Variants in NT5DC1 observed in about 807,000 individuals in gnomAD.
The protein encoded by NT5DC1 is 5'-nucleotidase domain containing 1, also known as 5'-nucleotidase domain-containing protein 1.
Under a neutral mutation model 59.4 loss-of-function variants are expected in NT5DC1, and 42 were observed. The observed-to-expected ratio is 0.71, with a 90% CI of 0.55 to 0.92. NT5DC1 has a LOEUF of 0.92. NT5DC1 is among the 40% of genes least tolerant of loss of function. NT5DC1 has a pLI of 0.00. For synonymous variants in NT5DC1, 172 were observed against 188.1 expected, an observed-to-expected ratio of 0.91 and a Z score of 0.70; for missense variants, 501 against 537.1, an observed-to-expected ratio of 0.93 and a Z score of 0.66.
At chr6:116,180,278 A>G (rs1322337967) in intron 6 of NT5DC1, among the ~76,000 whole-genome samples, 1 of 152,110 alleles carries the variant, frequency 6.6e-6, no homozygotes, top group African/African-American at 2.4e-5. Flanking sequence ...AAATCATAAA[A>G]GGAAAGAATG....
chr6:116,216,362 G>T (rs1781687312), intron 6 of NT5DC1, among the ~76,000 whole-genome samples: 1 of 150,038 alleles, frequency 6.7e-6, no homozygotes, highest in African/African-American at 2.5e-5. Context: ...TCTTAATCCT[G>T]GTAGCACATT....
At chr6:116,161,812 T>C (rs1196784600) in intron 6 of NT5DC1, among the ~76,000 whole-genome samples, 4 of 152,234 alleles carry the variant, frequency 2.6e-5, no homozygotes, top group Non-Finnish European at 4.4e-5. Context: ...TCTAGATTGC[T>C]TTGGGCAGTA....
chr6:116,165,721 C>T (rs932047252), intron 6 of NT5DC1, among the ~76,000 whole-genome samples: 7 of 152,146 alleles, frequency 4.6e-5, no homozygotes, highest in Admixed American at 1.3e-4. Context: ...CTTAGTGGGC[C>T]GCACTTCCCC....
chr6:116,141,300 C>T (rs1779758119), intron 6 of NT5DC1, among the ~76,000 whole-genome samples: 1 of 148,490 alleles, frequency 6.7e-6, no homozygotes, highest in African/African-American at 2.5e-5. Context: ...TTTTAGTATT[C>T]TTACATATTT....
intron 6 of NT5DC1, among the ~76,000 whole-genome samples, chr6:116,132,137 T>TGTGTG (rs1288676539): frequency 1.3e-5 from 2 of 152,146 alleles, no homozygotes; most frequent in East Asian, 3.9e-4. Context: ...AATAACTTTG[T>TGTGTG]GTGTGGGTGT....
chr6:116,205,194 C>T (rs1781426770), intron 6 of NT5DC1, among the ~76,000 whole-genome samples: 1 of 151,946 alleles, frequency 6.6e-6, no homozygotes, highest in African/African-American at 2.4e-5. Flanking sequence ...ACCATGTCTT[C>T]AGGCTGCTAA....
At chr6:116,200,389 G>A (rs1468094898) in intron 6 of NT5DC1, among the ~76,000 whole-genome samples, 1 of 151,968 alleles carries the variant, frequency 6.6e-6, no homozygotes, top group Non-Finnish European at 1.5e-5. Context: ...TCTAAATGAA[G>A]TGAGGACTTT....
chr6:116,212,080 T>C (rs1473126885), intron 6 of NT5DC1, among the ~76,000 whole-genome samples: 1 of 152,150 alleles, frequency 6.6e-6, no homozygotes, highest in East Asian at 1.9e-4. Context: ...AAAGAAATTA[T>C]TTCATTATTC....
intron 11 of NT5DC1, among the ~76,000 whole-genome samples, chr6:116,243,021 C>G (rs1461849826): frequency 1.3e-5 from 2 of 152,206 alleles, no homozygotes; most frequent in African/African-American, 4.8e-5. Context: ...AATTGTGCCT[C>G]AAGTCTTGGT....
intron 6 of NT5DC1, chr6:116,120,066 T>TGGA (rs140722): frequency 1.9e-5 from 31 of 1,609,522 alleles, no homozygotes; most frequent in Non-Finnish European, 2.6e-5. Flanking sequence ...ATTAGCTCTG[T>TGGA]GTGTACTCAC....
In NT5DC1 at chr6:116,238,959, C is replaced by T. The variant is rs774753789; in HGVS notation, c.1088C>T (p.Pro363Leu). Residue 363 changes from proline (P) to leucine (L), a missense_variant, in exon 11 of 12, where the codon CCA becomes CTA. Transcript: ENST00000319550. ...TATTCTGTTCTCTTGTTTCAGGGAC[C>T]AAAAGCAAAACCTTTAAATACTTCA... ...PLEKKGKYEG[P>L]KAKPLNTSSK... The T allele has an allele frequency of 1.3e-6, 2 of 1,589,238 alleles. No homozygotes were observed. The highest frequency in any genetic ancestry group is 1.3e-5 in the African/African-American group (1 of 74,226).
intron 6 of NT5DC1, among the ~76,000 whole-genome samples, chr6:116,140,429 T>G (rs1330555380): frequency 6.6e-6 from 1 of 152,170 alleles, no homozygotes; most frequent in African/African-American, 2.4e-5. Flanking sequence ...TTTTTTTCAA[T>G]ATTTAAAATT....
Position 116,247,966 on chromosome 6 carries a change from C to T in NT5DC1, c.*3942C>T, listed in dbSNP as rs1309799616. The stretch of plus-strand genomic sequence containing the variant: ...AATTTCATTCATGTGCAGCAAACAT[C>T]AAGGTTACATAAGTAAATTCAAATG... On this transcript the variant is annotated 3_prime_UTR_variant, in exon 12 of 12. Coordinates refer to ENST00000319550, the MANE Select transcript of NT5DC1 (RefSeq NM_152729.3). The T allele has an allele frequency of 6.6e-6, 1 of 152,164 alleles. No individual in the cohort carries two copies. Among genetic ancestry groups the T allele is most frequent in the Admixed American group, 6.5e-5 (1 of 15,272 alleles). The allele number at this position is 152,164 out of a possible 1,614,324, so 9.4% of individuals were successfully genotyped here.
intron 6 of NT5DC1, among the ~76,000 whole-genome samples, chr6:116,161,376 T>C (rs1472506255): frequency 6.6e-6 from 1 of 151,908 alleles, no homozygotes; most frequent in Non-Finnish European, 1.5e-5. Context: ...TGCATTGATA[T>C]AACAATGTAG....
At position 116,121,259 on chromosome 6, in the gene NT5DC1, G is replaced by T. The variant is rs773160959; in HGVS notation, c.529+3314G>T. 3 of 1,613,914 alleles carry T rather than the reference G, an allele frequency of 1.9e-6. No homozygotes were observed. The South Asian group carries it at 3.3e-5, about 18-fold the overall frequency. Reference sequence around the variant, plus strand: ...CCCTGGGGGCCCAGCTATTCCTGGAGCCCCAGGGAGACCTTTTGTTCCTGG... The same window carrying T: ...CCCTGGGGGCCCAGCTATTCCTGGATCCCCAGGGAGACCTTTTGTTCCTGG... On this transcript the variant is annotated intron_variant, in intron 6 of 11. Transcript: ENST00000319550.
intron 5 of NT5DC1, among the ~76,000 whole-genome samples, chr6:116,117,005 C>T (rs1778976985): frequency 6.6e-6 from 1 of 152,122 alleles, no homozygotes; most frequent in African/African-American, 2.4e-5. Flanking sequence ...AAACAATTTA[C>T]AGTTCGGATT....
chr6:116,147,679 CTT>C (rs538084312), intron 6 of NT5DC1, among the ~76,000 whole-genome samples: 1 of 152,176 alleles, frequency 6.6e-6, no homozygotes, highest in East Asian at 1.9e-4. Flanking sequence ...TGTTACAAGA[CTT>C]TATATAAACT....
intron 8 of NT5DC1, among the ~76,000 whole-genome samples, chr6:116,229,469 G>A (rs1456070984): frequency 1.3e-5 from 2 of 152,154 alleles, no homozygotes; most frequent in African/African-American, 4.8e-5. Flanking sequence ...TGGTAACAGG[G>A]GCAAAGATGC....
intron 8 of NT5DC1, among the ~76,000 whole-genome samples, chr6:116,224,966 A>C (rs1388356842): frequency 6.6e-6 from 1 of 152,190 alleles, no homozygotes; most frequent in Non-Finnish European, 1.5e-5. Flanking sequence ...GGAGAGAGGT[A>C]GATACATTTA....
Sources: allele counts gnomAD v4.1 joint callset (sites outside exome capture counted in the v4.1 genomes callset), GRCh38; gene constraint gnomAD v4.1.1; transcripts MANE v1.5; gene names NCBI Gene and HGNC (gene_info 2026-07-23, HGNC 2026-07-21).